GAB2: variants seen among roughly 807,000 people sequenced by gnomAD.
The protein encoded by GAB2 is GRB2 associated binding protein 2.
Under a neutral mutation model 65.5 loss-of-function variants are expected in GAB2, and 26 were observed. The ratio of observed to expected loss-of-function variants is 0.40; its 90% confidence interval spans 0.29 to 0.55. The LOEUF is 0.55. Ranked by LOEUF, GAB2 falls within the 20% of genes least tolerant of loss-of-function variation. The pLI, the probability that GAB2 is intolerant of heterozygous loss-of-function variation, is 0.53. For synonymous variants in GAB2, 321 were observed against 329.6 expected, an observed-to-expected ratio of 0.97 and a Z score of 0.28; for missense variants, 884 against 875.8, an observed-to-expected ratio of 1.01 and a Z score of -0.12.
intron 2 of GAB2, among the ~76,000 whole-genome samples, chr11:78,251,619 T>A (rs1865458406): frequency 6.6e-6 from 1 of 152,212 alleles, no homozygotes; most frequent in African/African-American, 2.4e-5. Flanking sequence ...CTTTTATGAT[T>A]CTTTGTTTTG....
At chr11:78,358,766 T>C (rs961196526) in intron 1 of GAB2, among the ~76,000 whole-genome samples, 1 of 152,104 alleles carries the variant, frequency 6.6e-6, no homozygotes, top group Non-Finnish European at 1.5e-5. Flanking sequence ...AATACCATAA[T>C]GAATGACAGC....
At chr11:78,303,121 A>G (rs1197722991) in intron 1 of GAB2, among the ~76,000 whole-genome samples, 10 of 152,240 alleles carry the variant, frequency 6.6e-5, no homozygotes, top group Non-Finnish European at 1.5e-5. Flanking sequence ...TGAGTGCACC[A>G]AAATCTCACA....
chr11:78,404,618 G>A (rs1401642427), intron 1 of GAB2, among the ~76,000 whole-genome samples: 1 of 152,244 alleles, frequency 6.6e-6, no homozygotes, highest in Non-Finnish European at 1.5e-5. Context: ...AACACGGTTG[G>A]TACTGGAGGA....
intron 1 of GAB2, among the ~76,000 whole-genome samples, chr11:78,335,044 T>C: frequency 6.6e-6 from 1 of 152,230 alleles, no homozygotes; most frequent in East Asian, 1.9e-4. Context: ...TATGTCTTCC[T>C]TCAAAAAATG....
intron 2 of GAB2, among the ~76,000 whole-genome samples, chr11:78,259,012 T>C (rs558421741): frequency 6.6e-6 from 1 of 152,102 alleles, no homozygotes; most frequent in Non-Finnish European, 1.5e-5. Flanking sequence ...TTTTTGCTCC[T>C]CTCCCTCCTC....
intron 1 of GAB2, among the ~76,000 whole-genome samples, chr11:78,327,115 C>T (rs897610434): frequency 6.6e-6 from 1 of 152,158 alleles, no homozygotes; most frequent in East Asian, 1.9e-4. Flanking sequence ...TCTACAAATA[C>T]GTACTGAGCA....
intron 1 of GAB2, among the ~76,000 whole-genome samples, chr11:78,395,700 T>C (rs1331697142): frequency 6.6e-6 from 1 of 152,212 alleles, no homozygotes; most frequent in African/African-American, 2.4e-5. Flanking sequence ...CAATTGTTCA[T>C]GTTTGCACCC....
At chr11:78,235,929 A>G (rs936586085) in intron 3 of GAB2, among the ~76,000 whole-genome samples, 2 of 152,118 alleles carry the variant, frequency 1.3e-5, no homozygotes, top group African/African-American at 2.4e-5. Flanking sequence ...GCCCCACTCT[A>G]CTGGTACCAA....
intron 2 of GAB2, among the ~76,000 whole-genome samples, chr11:78,263,237 A>C (rs1217318206): frequency 6.6e-6 from 1 of 152,236 alleles, no homozygotes; most frequent in Admixed American, 6.5e-5. Context: ...GCTAGTTTGA[A>C]GAGCCCATTA....
At chr11:78,337,917 G>T (rs1856029416) in intron 1 of GAB2, among the ~76,000 whole-genome samples, 1 of 152,160 alleles carries the variant, frequency 6.6e-6, no homozygotes, top group Admixed American at 6.5e-5. Context: ...GTAAGCAAAA[G>T]ACCCGAGGCC....
chr11:78,411,178 A>AG (rs1484237278), intron 1 of GAB2, among the ~76,000 whole-genome samples: 2 of 151,824 alleles, frequency 1.3e-5, no homozygotes, highest in East Asian at 3.8e-4. Flanking sequence ...GGATGGTGGA[A>AG]GGAGAAGAAA....
At chr11:78,238,951 T>G (rs532546787) in intron 3 of GAB2, among the ~76,000 whole-genome samples, 3 of 151,962 alleles carry the variant, frequency 2.0e-5, no homozygotes, top group African/African-American at 7.2e-5. Flanking sequence ...GACTGAAAAA[T>G]GGACAAAAGA....
intron 1 of GAB2, among the ~76,000 whole-genome samples, chr11:78,303,256 C>T (rs942580352): frequency 6.6e-6 from 1 of 152,040 alleles, no homozygotes. Flanking sequence ...AAATCTTTGC[C>T]TACCCCAAGG....
chr11:78,279,089 GA>G (rs1304887522), intron 2 of GAB2, among the ~76,000 whole-genome samples: 1 of 152,058 alleles, frequency 6.6e-6, no homozygotes, highest in Non-Finnish European at 1.5e-5. Flanking sequence ...AAGATTTGGG[GA>G]AAACAGGAAA....
chr11:78,375,440 G>A (rs574569465), intron 1 of GAB2, among the ~76,000 whole-genome samples: 14 of 152,242 alleles, frequency 9.2e-5, no homozygotes, highest in African/African-American at 3.1e-4. Context: ...CAGTGGCAAA[G>A]ACATGGTGGA....
At chr11:78,371,706 A>G (rs1315607937) in intron 1 of GAB2, among the ~76,000 whole-genome samples, 1 of 152,248 alleles carries the variant, frequency 6.6e-6, no homozygotes, top group Admixed American at 6.5e-5. Context: ...ATGAACCAAG[A>G]ACGTCAAACA....
At chr11:78,358,421 G>T (rs1222635449) in intron 1 of GAB2, among the ~76,000 whole-genome samples, 1 of 142,138 alleles carries the variant, frequency 7.0e-6, no homozygotes, top group East Asian at 2.1e-4. Context: ...TTGTGCACAT[G>T]TACCCTAGAA....
At chr11:78,268,178 T>A (rs1459119751) in intron 2 of GAB2, among the ~76,000 whole-genome samples, 1 of 152,174 alleles carries the variant, frequency 6.6e-6, no homozygotes, top group Non-Finnish European at 1.5e-5. Context: ...CATAAATTAT[T>A]CTGTTTCATG....
rs530183160 is a variant in GAB2, at chr11:78,215,591, G to A, written c.*3681C>T. 25 of 152,506 alleles carry A rather than the reference G, an allele frequency of 1.6e-4. No individual in the cohort carries two copies. The South Asian group carries it at 5.2e-3, about 32-fold the overall frequency. 9.4% of individuals were successfully genotyped at this position (152,506 alleles called of 1,614,324 possible). On this transcript the variant is annotated 3_prime_UTR_variant, in exon 10 of 10. Transcript: ENST00000361507. ...TTCCACTAGCCCATTTTCTCTTCCT[G>A]ACAAACAGTGACAATTCTGCGTGAA... is the stretch of plus-strand genomic sequence containing the variant.
Sources: allele counts gnomAD v4.1 joint callset (sites outside exome capture counted in the v4.1 genomes callset), GRCh38; gene constraint gnomAD v4.1.1; transcripts MANE v1.5; gene names NCBI Gene and HGNC (gene_info 2026-07-23, HGNC 2026-07-21).